Variants in ERC1 observed in about 807,000 individuals in gnomAD.
ERC1 encodes RAB6 interacting protein 2.
A neutral mutation model predicts 132.0 loss-of-function variants in ERC1; 56 were observed. The ratio of observed to expected loss-of-function variants is 0.42; its 90% confidence interval spans 0.34 to 0.53. The LOEUF is 0.53. Ranked by LOEUF, ERC1 falls within the 20% of genes least tolerant of loss-of-function variation. ERC1 has a pLI of 0.03. For missense variants in ERC1, 1,202 were observed against 1,349.9 expected (o/e 0.89, Z 1.72); for synonymous variants, 478 against 476.1 (o/e 1.00, Z -0.05).
chr12:1,112,850 C>A (rs1161814080), intron 6 of ERC1, among the ~76,000 whole-genome samples: 1 of 152,106 alleles, frequency 6.6e-6, no homozygotes, highest in Non-Finnish European at 1.5e-5. Flanking sequence ...GTATCTAAAT[C>A]TAGTTCAATA....
chr12:1,215,913 G>C (rs528404877), intron 12 of ERC1, among the ~76,000 whole-genome samples: 21 of 152,204 alleles, frequency 1.4e-4, no homozygotes, highest in African/African-American at 4.8e-4. Context: ...AAAGCAAAAA[G>C]TGTGGGAATA....
At chr12:1,367,680 G>A (rs1416716175) in intron 15 of ERC1, among the ~76,000 whole-genome samples, 1 of 152,092 alleles carries the variant, frequency 6.6e-6, no homozygotes, top group Non-Finnish European at 1.5e-5. Context: ...TGGGGGAAGG[G>A]GATAGAGGGG....
intron 12 of ERC1, among the ~76,000 whole-genome samples, chr12:1,212,962 TAGC>T (rs1422765724): frequency 1.3e-5 from 2 of 152,230 alleles, no homozygotes; most frequent in African/African-American, 4.8e-5. Context: ...GTAAAAAACT[TAGC>T]AGGCTGTCAA....
intron 1 of ERC1, among the ~76,000 whole-genome samples, chr12:1,014,714 G>A (rs1020433330): frequency 1.3e-5 from 2 of 151,982 alleles, no homozygotes; most frequent in African/African-American, 4.8e-5. Flanking sequence ...GTTTTTGCAT[G>A]TCAGATCTAT....
chr12:1,129,569 G>C (rs973858780), intron 7 of ERC1, among the ~76,000 whole-genome samples: 8 of 152,122 alleles, frequency 5.3e-5, no homozygotes, highest in African/African-American at 1.9e-4. Context: ...TACATTACGT[G>C]TAAAGGATTA....
chr12:1,137,932 A>G (rs1018591245), intron 7 of ERC1, among the ~76,000 whole-genome samples: 1 of 139,820 alleles, frequency 7.2e-6, no homozygotes, highest in Non-Finnish European at 1.5e-5. Flanking sequence ...TACATATTAT[A>G]TAATATATAA....
intron 9 of ERC1, 36 bp from the exon 10 acceptor site, chr12:1,181,889 G>A: frequency 6.3e-7 from 1 of 1,584,852 alleles, no homozygotes; most frequent in Non-Finnish European, 8.6e-7. Context: ...AGTGCAAAAG[G>A]GAATTTCTTC....
intron 17 of ERC1, among the ~76,000 whole-genome samples, chr12:1,418,658 TCTCTTTCTTTTCTTTC>T (rs2092280611): frequency 7.3e-6 from 1 of 137,730 alleles, no homozygotes. Flanking sequence ...TCTCTCTCTC[TCTCTTTCTTTTCTTTC>T]TTTCTTTCTT....
intron 13 of ERC1, among the ~76,000 whole-genome samples, chr12:1,248,903 GAGAC>G (rs1045935202): frequency 6.6e-5 from 10 of 152,082 alleles, no homozygotes; most frequent in African/African-American, 2.4e-4. Flanking sequence ...AAAATTTTTG[GAGAC>G]AGACTCGCTC....
In ERC1 at chr12:1,112,280, G is replaced by C. The variant is rs760574433; in HGVS notation, c.1383G>C (p.Ala461=). The C allele has an allele frequency of 1.2e-6, 2 of 1,613,078 alleles. No homozygotes were observed. The highest frequency in any genetic ancestry group is 1.7e-6 in the Non-Finnish European group (2 of 1,179,188). The part of the protein sequence containing the change: ...EAQWEELKKK[A]AGLQAEIGQV... Reference sequence around the variant, plus strand: ...AATGGGAGGAGCTGAAAAAGAAAGCGGCTGGTCTTCAGGCTGAGGTCTTTG... The same window carrying C: ...AATGGGAGGAGCTGAAAAAGAAAGCCGCTGGTCTTCAGGCTGAGGTCTTTG... The change falls in exon 6 of 19, where the codon GCG becomes GCC. Residue 461 remains alanine, a synonymous_variant. Transcript: ENST00000360905.
chr12:1,370,679 T>C (rs2087118806), intron 15 of ERC1, among the ~76,000 whole-genome samples: 1 of 152,214 alleles, frequency 6.6e-6, no homozygotes, highest in Non-Finnish European at 1.5e-5. Context: ...TAAAATGAAA[T>C]ACTAAGTTCT....
intron 7 of ERC1, among the ~76,000 whole-genome samples, chr12:1,124,470 T>C (rs10848441): frequency 0.59 from 89,753 of 151,958 alleles, 29,776 homozygotes; most frequent in East Asian, 0.87. Flanking sequence ...ATATAAAAAT[T>C]TGTGGAACAT....
intron 1 of ERC1, among the ~76,000 whole-genome samples, chr12:1,009,208 T>C (rs947647696): frequency 2.0e-5 from 3 of 151,826 alleles, no homozygotes; most frequent in Admixed American, 2.0e-4. Context: ...AGAGTCTCTC[T>C]CTGTCGCCCA....
intron 2 of ERC1, among the ~76,000 whole-genome samples, chr12:1,050,604 T>C (rs577956359): frequency 6.6e-6 from 1 of 152,284 alleles, no homozygotes; most frequent in Admixed American, 6.5e-5. Flanking sequence ...TATTCTTTGT[T>C]CTATTTATTT....
chr12:1,048,504 C>T (rs1243600656), intron 2 of ERC1, among the ~76,000 whole-genome samples: 1 of 152,120 alleles, frequency 6.6e-6, no homozygotes, highest in Non-Finnish European at 1.5e-5. Flanking sequence ...GATCTTGAAA[C>T]AGGAGGTACT....
At chr12:1,356,217 T>A (rs1473334340) in intron 15 of ERC1, among the ~76,000 whole-genome samples, 77 of 67,986 alleles carry the variant, frequency 1.1e-3, no homozygotes, top group African/African-American at 2.7e-3. Context: ...AAAAAAAGTG[T>A]GTGTGTGTGT....
In ERC1 at chr12:1,183,308, G is replaced by T. The variant is rs368117078; in HGVS notation, c.2044G>T (p.Ala682Ser). ...EASLLDLKEH[A>S]SSLASSGLKK... ...TTCACTTTTGGATCTGAAAGAGCAT[G>T]CTTCTTCTCTGGCATCCTCAGGACT... The change falls in exon 11 of 19, where the codon GCT becomes TCT. Residue 682 changes from alanine to serine, a missense_variant. By Grantham distance (99) the Ala-to-Ser change is moderately conservative. Transcript: ENST00000360905. The T allele has an allele frequency of 2.9e-5, 46 of 1,574,472 alleles. No individual in the cohort carries two copies. The highest frequency in any genetic ancestry group is 3.6e-5 in the Non-Finnish European group (41 of 1,154,722).
At chr12:1,387,807 G>A (rs1349708669) in intron 16 of ERC1, among the ~76,000 whole-genome samples, 1 of 152,316 alleles carries the variant, frequency 6.6e-6, no homozygotes, top group Middle Eastern at 3.4e-3. Flanking sequence ...TATGTTGTTT[G>A]TGATCATTTC....
At chr12:1,466,819 G>A (rs1320958345) in intron 18 of ERC1, among the ~76,000 whole-genome samples, 4 of 152,146 alleles carry the variant, frequency 2.6e-5, no homozygotes, top group African/African-American at 9.7e-5. Flanking sequence ...TGCTTGTTTA[G>A]CGACTGAATG....
Sources: gnomAD v4.1 joint callset for allele counts (sites outside exome capture counted in the v4.1 genomes callset) on GRCh38, gnomAD v4.1.1 for gene constraint, MANE v1.5 for transcripts, NCBI Gene and HGNC (gene_info 2026-07-23, HGNC 2026-07-21) for gene names.